The following DNAH1 variants were observed in gnomAD, a reference collection of about 807,000 sequenced individuals.
DNAH1 encodes the protein axonemal beta dynein heavy chain 1.
Under a neutral mutation model 484.3 loss-of-function variants are expected in DNAH1, and 327 were observed. The ratio of observed to expected loss-of-function variants is 0.68; its 90% CI spans 0.62 to 0.74. The LOEUF is 0.74. DNAH1 is among the 30% of genes least tolerant of loss of function. The probability of loss-of-function intolerance (pLI) is 0.00; values close to 1 mark genes in which losing one functional copy is unlikely to be tolerated. For synonymous variants in DNAH1, 2,192 were observed against 2,191.9 expected (o/e 1.00, Z 0.00); for missense variants, 5,052 against 5,546.8 (o/e 0.91, Z 2.83).
In DNAH1 at chr3:52,361,905, C is replaced by A; in HGVS notation, c.4980+139C>A. On this transcript the variant is annotated intron_variant, in intron 30 of 77. Transcript: ENST00000420323. The surrounding 1 kb of genome is among the most constrained non-coding windows in gnomAD (Gnocchi z 5.6). ...CTCTTGTCCCGGGGGCACACCCTAA[C>A]CCCAGTCTGTGGGCAGCTCCCAGGC... 1.1e-6 allele frequency: 1 copy of A among 911,540 alleles called. No homozygotes were observed. The highest frequency in any genetic ancestry group is 1.6e-6 in the Non-Finnish European group (1 of 607,682). The allele number at this position is 911,540 out of a possible 1,614,324, so 56.5% of individuals were successfully genotyped here.
intron 63 of DNAH1, 37 bp from the exon 64 acceptor site, chr3:52,392,427 C>A: frequency 6.3e-7 from 1 of 1,597,384 alleles, no homozygotes; most frequent in Non-Finnish European, 8.6e-7. Context: ...CGGGGCCCAC[C>A]AGGTATTACA....
intron 5 of DNAH1, 51 bp downstream of exon 5, chr3:52,326,942 C>G: frequency 6.4e-7 from 1 of 1,569,224 alleles, no homozygotes; most frequent in Middle Eastern, 1.7e-4. Flanking sequence ...AAGTGCAGGA[C>G]CCCAGTGGAC....
chr3:52,361,819 C>A lies in DNAH1; in HGVS notation c.4980+53C>A. On this transcript the variant is annotated intron_variant, in intron 30 of 77. Coordinates refer to ENST00000420323, the MANE Select transcript of DNAH1 (RefSeq NM_015512.5). The surrounding 1 kb of genome is among the most constrained non-coding windows in gnomAD (Gnocchi z 5.6). ...CTCAGATCTGCCATACTCACGCCGC[C>A]ATACTGCTCCCCATTGCAGGCTGAG... The A allele has an allele frequency of 6.5e-7, 1 of 1,527,058 alleles. No homozygotes were observed. Among genetic ancestry groups the A allele is most frequent in the Non-Finnish European group, 8.9e-7 (1 of 1,126,410 alleles). 94.6% of individuals were successfully genotyped at this position (1,527,058 alleles called of 1,614,324 possible). A position where few individuals can be genotyped will look rare whatever the true frequency, so the allele number is the denominator to read the frequency against.
Position 52,395,532 on chromosome 3 carries a change from C to T in DNAH1, c.11128-15C>T, listed in dbSNP as rs1395549494. 10 of 1,613,338 alleles carry T rather than the reference C, an allele frequency of 6.2e-6. No homozygotes were observed. Among genetic ancestry groups the T allele is most frequent in the Non-Finnish European group, 8.5e-6 (10 of 1,179,834 alleles). ...GGGCAAGCTGGCCCCCTGCTCAGTG[C>T]TCTTGCCCCTGCAGGGCCCTCGGGC... On this transcript the variant is annotated splice_polypyrimidine_tract_variant and intron_variant, in intron 69 of 77. Transcript: ENST00000420323. The surrounding 1 kb of genome is among the most constrained non-coding windows in gnomAD (Gnocchi z 4.4).
chr3:52,398,190 G>GA (rs1164561831), intron 75 of DNAH1, 28 bp downstream of exon 75: 1 of 1,587,684 alleles, frequency 6.3e-7, no homozygotes, highest in Non-Finnish European at 8.6e-7. Context: ...CCCCTGCCCC[G>GA]AGTCAGCGGC....
upstream of DNAH1, among the ~76,000 whole-genome samples, chr3:52,315,267 G>A (rs1700911543): frequency 6.6e-6 from 1 of 152,204 alleles, no homozygotes. Flanking sequence ...GAGGGAGGCT[G>A]GGGACAGGTG....
intron 41 of DNAH1, 144 bp from the exon 42 acceptor site, chr3:52,371,802 G>T (rs909089938): frequency 1.6e-6 from 2 of 1,217,018 alleles, no homozygotes; most frequent in East Asian, 2.4e-5. Context: ...TTCCATTTCC[G>T]CCGGAAGCAG....
At position 52,395,180 on chromosome 3, in the gene DNAH1, A is replaced by G. The variant is rs1704564653; in HGVS notation, c.10968+121A>G. On this transcript the variant is annotated intron_variant, in intron 68 of 77. Transcript: ENST00000420323. The surrounding 1 kb of genome is among the most constrained non-coding windows in gnomAD (Gnocchi z 4.4). ...GCCAGGACCCCTGCTTGCTCCCTAA[A>G]GGCTCTGAGGTTCCAGCCCCCACCA... The G allele has an allele frequency of 6.7e-7, 1 of 1,492,036 alleles. No individual in the cohort carries two copies. The allele number at this position is 1,492,036 out of a possible 1,614,324, so 92.4% of individuals were successfully genotyped here. A position where few individuals can be genotyped will look rare whatever the true frequency, so the allele number is the denominator to read the frequency against.
At position 52,383,382 on chromosome 3, in the gene DNAH1, C is replaced by G. The variant is rs1262706931; in HGVS notation, c.7942-4C>G. The G allele has an allele frequency of 6.2e-7, 1 of 1,613,462 alleles. No individual in the cohort carries two copies. Among genetic ancestry groups the G allele is most frequent in the Non-Finnish European group, 8.5e-7 (1 of 1,179,600 alleles). ...TAGCTCCCCACTCCTTCACCCCTCC[C>G]CAGATCAAGAACGAATCCTTCCTGG... On this transcript the variant is annotated splice_polypyrimidine_tract_variant and splice_region_variant and intron_variant, in intron 50 of 77. Coordinates refer to ENST00000420323, the MANE Select transcript of DNAH1 (RefSeq NM_015512.5).
Position 52,384,919 on chromosome 3 carries a change from G to A in DNAH1, c.8456G>A (p.Gly2819Glu), listed in dbSNP as rs774716987. Residue 2819 changes from glycine to glutamate, a missense_variant, in exon 53 of 78, where the codon GGG becomes GAG. Transcript: ENST00000420323. ...ELLHIFSILI[G>E]QKKLELKTAK... ...CTTCATATTTTCTCCATCCTCATCG[G>A]GCAGAAGAAACTGGAGCTGAAAACT... 80 of 1,613,522 alleles carry A rather than the reference G, an allele frequency of 5.0e-5. No homozygotes were observed. The highest frequency in any genetic ancestry group is 1.7e-6 in the Non-Finnish European group (2 of 1,179,780).
At chr3:52,393,656 G>C (rs1704494005) in intron 66 of DNAH1, among the ~76,000 whole-genome samples, 171 bp downstream of exon 66, 1 of 152,188 alleles carries the variant, frequency 6.6e-6, no homozygotes, top group Non-Finnish European at 1.5e-5. Context: ...GGTGACTCAT[G>C]CCTGCAATCC....
In DNAH1 at chr3:52,346,484, C is replaced by G; in HGVS notation, c.1669C>G (p.Leu557Val). The G allele has an allele frequency of 6.2e-7, 1 of 1,610,636 alleles. No individual in the cohort carries two copies. Among genetic ancestry groups the G allele is most frequent in the Non-Finnish European group, 8.5e-7 (1 of 1,178,200 alleles). ...SQTFSQVQMF[L>V]KDSWISSLKV... ...GTGGCCACTCTAGGTGCAGATGTTC[C>G]TCAAGGACAGCTGGATCAGCTCGCT... The change falls in exon 11 of 78, where the codon CTC becomes GTC. Residue 557 changes from leucine (L) to valine (V), a missense_variant. Leu to Val is a conservative substitution (Grantham distance 32). This residue lies in a region of DNAH1 where 1,263 missense variants were observed against 1,218.8 expected (regional missense o/e 1.04). Coordinates refer to ENST00000420323, the MANE Select transcript of DNAH1 (RefSeq NM_015512.5).
Position 52,395,454 on chromosome 3 carries a change from G to C in DNAH1, c.11115G>C (p.Leu3705=). ...KFSKKLSAIS[L]GQGQGPRAEA... ...CCAAAAAGCTCTCTGCCATCTCCCTGGGCCAGGGGCAGGTCAGGGCTAGGC... is the reference window on the plus strand; with the variant it reads ...CCAAAAAGCTCTCTGCCATCTCCCTCGGCCAGGGGCAGGTCAGGGCTAGGC... Residue 3705 remains leucine, a synonymous_variant, in exon 69 of 78, where the codon CTG becomes CTC. Transcript: ENST00000420323. This position sits in a 1 kb window ranked among gnomAD's most constrained non-coding sequence, Gnocchi z 4.4. 2 of 1,613,870 alleles carry C rather than the reference G, an allele frequency of 1.2e-6. No homozygotes were observed. Among genetic ancestry groups the C allele is most frequent in the Non-Finnish European group, 1.7e-6 (2 of 1,179,896 alleles).
chr3:52,368,442 A>G lies in DNAH1; in HGVS notation c.5766-299A>G, dbSNP rs1161911250. 2.0e-5 allele frequency among the ~76,000 whole-genome samples: 3 copies of G among 151,838 alleles called. No individual in the cohort carries two copies. The highest frequency in any genetic ancestry group is 3.9e-4 in the East Asian group (2 of 5,180). ...CATTTACCCTCCTCCATCCTTGTCC[A>G]TTGTCTTCCAGAGCTGCACTTCCTC... On this transcript the variant is annotated intron_variant, in intron 36 of 77. Transcript: ENST00000420323. The surrounding 1 kb of genome is among the most constrained non-coding windows in gnomAD (Gnocchi z 4.4).
chr3:52,375,301 C>G lies in DNAH1; in HGVS notation c.7047C>G (p.Gly2349=). Residue 2349 remains glycine, a synonymous_variant, in exon 45 of 78, where the codon GGC becomes GGG. Transcript: ENST00000420323. ...FVCAMGPPGG[G]RNTVTPRLMR... is the part of the protein sequence containing the mutation. ...GTGCCATGGGCCCCCCGGGTGGAGG[C>G]AGGAACACCGTCACCCCGCGGCTGA... is the stretch of plus-strand genomic sequence containing the variant. 6.2e-7 allele frequency: 1 copy of G among 1,612,586 alleles called. No individual in the cohort carries two copies. The highest frequency in any genetic ancestry group is 1.1e-5 in the South Asian group (1 of 90,622).
At position 52,358,373 on chromosome 3, in the gene DNAH1, G is replaced by C. The variant is rs116084959; in HGVS notation, c.4087-185G>C. On this transcript the variant is annotated intron_variant, in intron 24 of 77. Coordinates refer to ENST00000420323, the MANE Select transcript of DNAH1 (RefSeq NM_015512.5). The surrounding 1 kb of genome is among the most constrained non-coding windows in gnomAD (Gnocchi z 4.2). ...GGGCCTGGGCTGGGGCCTGACCACTGCTGGGGAGAAGGCAGGCCATCCAGC... is the reference window on the plus strand; with the variant it reads ...GGGCCTGGGCTGGGGCCTGACCACTCCTGGGGAGAAGGCAGGCCATCCAGC... 0.039 allele frequency among the ~76,000 whole-genome samples: 6,002 copies of C among 152,276 alleles called. 150 individuals carry two copies. The highest frequency in any genetic ancestry group is 0.075 in the Middle Eastern group (22 of 294).
intron 3 of DNAH1, among the ~76,000 whole-genome samples, chr3:52,324,301 T>C (rs1701257677): frequency 6.6e-6 from 1 of 152,138 alleles, no homozygotes; most frequent in Admixed American, 6.5e-5. Flanking sequence ...AGATCCCTGC[T>C]GAAGGAGGAA....
At chr3:52,333,014 A>C (rs1370381003) in intron 8 of DNAH1, among the ~76,000 whole-genome samples, 1 of 152,010 alleles carries the variant, frequency 6.6e-6, no homozygotes, top group African/African-American at 2.4e-5. Context: ...CAGCCTCCTG[A>C]GTAGCTGGGA....
In DNAH1 at chr3:52,396,671, C is replaced by A; in HGVS notation, c.11484C>A (p.Ala3828=). Reference sequence around the variant, plus strand: ...CTCTGTGCTTGTTCCATGGGAACGCCCTGGAGCGCCGTAAGTTTGGGCCCC... The same window carrying A: ...CTCTGTGCTTGTTCCATGGGAACGCACTGGAGCGCCGTAAGTTTGGGCCCC... ...LLSLCLFHGN[A]LERRKFGPLG... is the part of the protein sequence containing the mutation. The change falls in exon 72 of 78, where the codon GCC becomes GCA. Residue 3828 remains alanine (A), a synonymous_variant. Coordinates refer to ENST00000420323, the MANE Select transcript of DNAH1 (RefSeq NM_015512.5). The A allele has an allele frequency of 6.2e-7, 1 of 1,613,732 alleles. No homozygotes were observed.
Sources: allele counts gnomAD v4.1 joint callset (sites outside exome capture counted in the v4.1 genomes callset), GRCh38; gene constraint gnomAD v4.1.1; regional missense constraint gnomAD v4.1.1; non-coding constraint Gnocchi (gnomAD v3.1); transcripts MANE v1.5; gene names NCBI Gene and HGNC (gene_info 2026-07-23, HGNC 2026-07-21).